The following SGCZ variants were observed in gnomAD, a reference collection of about 807,000 sequenced individuals.
The protein encoded by SGCZ is sarcoglycan zeta.
SGCZ carries 40 observed loss-of-function variants against 41.3 expected under a neutral mutation model. That is an observed-to-expected ratio of 0.97 (90% CI 0.75 to 1.26). SGCZ has a LOEUF of 1.26. Among genes scored for constraint, SGCZ ranks in the 50% most tolerant of loss-of-function variants. SGCZ has a pLI of 0.00. For missense variants in SGCZ, 552 were observed against 369.8 expected (o/e 1.49, Z -4.04); for synonymous variants, 206 against 137.5 (o/e 1.50, Z -3.49).
intron 5 of SGCZ, among the ~76,000 whole-genome samples, chr8:14,114,650 G>A (rs1445833701): frequency 6.6e-6 from 1 of 151,830 alleles, no homozygotes; most frequent in Non-Finnish European, 1.5e-5. Context: ...AAAGACTGCT[G>A]GTGATCAAAA....
intron 4 of SGCZ, among the ~76,000 whole-genome samples, chr8:14,188,494 T>C (rs768663318): frequency 1.2e-4 from 19 of 152,106 alleles, no homozygotes; most frequent in Admixed American, 9.2e-4. Flanking sequence ...GCTCAGAATA[T>C]AAAAATCTTT....
chr8:14,323,338 A>G (rs1253796325), intron 3 of SGCZ, among the ~76,000 whole-genome samples: 6 of 152,116 alleles, frequency 3.9e-5, no homozygotes, highest in African/African-American at 1.4e-4. Context: ...TGAAAAAAGT[A>G]TAACCTTTTT....
At chr8:15,164,082 C>G (rs141391598) in intron 1 of SGCZ, among the ~76,000 whole-genome samples, 69 of 152,318 alleles carry the variant, frequency 4.5e-4, no homozygotes, top group African/African-American at 1.6e-3. Flanking sequence ...TATCTTTTCA[C>G]CTAATAAAAC....
chr8:15,172,539 C>CT (rs1217219133), intron 1 of SGCZ, among the ~76,000 whole-genome samples: 5 of 152,186 alleles, frequency 3.3e-5, no homozygotes, highest in East Asian at 3.9e-4. Flanking sequence ...TTTAACCATT[C>CT]TAAGTCTCAG....
chr8:15,168,414 A>C (rs967150279), intron 1 of SGCZ, among the ~76,000 whole-genome samples: 1 of 152,208 alleles, frequency 6.6e-6, no homozygotes, highest in Non-Finnish European at 1.5e-5. Context: ...GATATAGGTG[A>C]GAGCAGATAA....
chr8:14,715,298 AG>A (rs1467138782), intron 1 of SGCZ, among the ~76,000 whole-genome samples: 1 of 152,082 alleles, frequency 6.6e-6, no homozygotes, highest in Non-Finnish European at 1.5e-5. Flanking sequence ...AAAATTGGGG[AG>A]GAAAAAACTG....
intron 1 of SGCZ, among the ~76,000 whole-genome samples, chr8:14,618,920 T>G (rs1186039888): frequency 2.6e-5 from 4 of 152,082 alleles, no homozygotes; most frequent in Non-Finnish European, 5.9e-5. Context: ...GGAAAAGCAG[T>G]TGAGCTGCAG....
intron 1 of SGCZ, among the ~76,000 whole-genome samples, chr8:14,848,932 T>C (rs1803226769): frequency 6.6e-6 from 1 of 152,134 alleles, no homozygotes; most frequent in Admixed American, 6.5e-5. Context: ...ATGAAATCTG[T>C]GTAAAGGATT....
At position 14,467,286 on chromosome 8, in the gene SGCZ, G is replaced by A. The variant is rs192169218; in HGVS notation, c.234+87446C>T. 9.9e-5 allele frequency among the ~76,000 whole-genome samples: 15 copies of A among 152,036 alleles called. No homozygotes were observed. The East Asian group carries it at 2.9e-3, about 29-fold the overall frequency. ...AAAAAAGAGAAAAATAAGTGGTGGGGCACTGGCCCTTTTAATTCCGTGAAA... is the reference window on the plus strand; with the variant it reads ...AAAAAAGAGAAAAATAAGTGGTGGGACACTGGCCCTTTTAATTCCGTGAAA... On this transcript the variant is annotated intron_variant, in intron 2 of 7. Transcript: ENST00000382080.
At chr8:14,640,191 A>G (rs1286367925) in intron 1 of SGCZ, among the ~76,000 whole-genome samples, 1 of 151,772 alleles carries the variant, frequency 6.6e-6, no homozygotes, top group Admixed American at 6.6e-5. Context: ...AGCAATTAAA[A>G]TTGCTTTATC....
chr8:14,814,675 C>T (rs2251303), intron 1 of SGCZ, among the ~76,000 whole-genome samples: 32,188 of 152,092 alleles, frequency 0.21, 3,940 homozygotes, highest in East Asian at 0.42. Flanking sequence ...GCCAGCTCGG[C>T]AGGTAGGAAC....
At chr8:14,605,558 G>A (rs909263193) in intron 1 of SGCZ, among the ~76,000 whole-genome samples, 4 of 151,438 alleles carry the variant, frequency 2.6e-5, no homozygotes, top group Non-Finnish European at 2.9e-5. Flanking sequence ...GCCCCTCCAT[G>A]CCCACTACCC....
At chr8:14,183,022 A>C (rs1278364994) in intron 4 of SGCZ, among the ~76,000 whole-genome samples, 1 of 151,980 alleles carries the variant, frequency 6.6e-6, no homozygotes, top group Non-Finnish European at 1.5e-5. Context: ...AAAAAAAAAA[A>C]AAAAAAAAAT....
At chr8:14,942,514 G>T (rs1225371233) in intron 1 of SGCZ, among the ~76,000 whole-genome samples, 1 of 151,954 alleles carries the variant, frequency 6.6e-6, no homozygotes, top group Non-Finnish European at 1.5e-5. Flanking sequence ...AGATTCCTTG[G>T]CATCTAAATA....
intron 2 of SGCZ, among the ~76,000 whole-genome samples, chr8:14,527,605 CT>C (rs1182189185): frequency 6.6e-6 from 1 of 152,090 alleles, no homozygotes; most frequent in Non-Finnish European, 1.5e-5. Flanking sequence ...TGTCATTATG[CT>C]GCTGGCAGTG....
intron 1 of SGCZ, among the ~76,000 whole-genome samples, chr8:15,016,635 C>T (rs1296044798): frequency 2.6e-5 from 4 of 152,166 alleles, no homozygotes; most frequent in African/African-American, 9.7e-5. Context: ...AGTTGCTTTA[C>T]AGAATCTTGC....
intron 1 of SGCZ, among the ~76,000 whole-genome samples, chr8:14,940,100 T>C (rs1173947472): frequency 6.6e-6 from 1 of 152,152 alleles, no homozygotes; most frequent in Non-Finnish European, 1.5e-5. Context: ...GAAAACATGT[T>C]CCTTTTGAAC....
intron 5 of SGCZ, among the ~76,000 whole-genome samples, chr8:14,135,019 A>T (rs1302170542): frequency 1.3e-5 from 2 of 152,202 alleles, no homozygotes; most frequent in East Asian, 3.8e-4. Flanking sequence ...GGCAGAATGG[A>T]GTAGTTAAAA....
At chr8:14,186,911 G>C (rs1804922787) in intron 4 of SGCZ, among the ~76,000 whole-genome samples, 1 of 152,104 alleles carries the variant, frequency 6.6e-6, no homozygotes, top group South Asian at 2.1e-4. Context: ...TCAAAACTGA[G>C]CTGAGAAACT....
Sources: gnomAD v4.1 joint callset for allele counts (sites outside exome capture counted in the v4.1 genomes callset) on GRCh38, gnomAD v4.1.1 for gene constraint, MANE v1.5 for transcripts, NCBI Gene and HGNC (gene_info 2026-07-23, HGNC 2026-07-21) for gene names.